Variants in GRID1 observed in about 807,000 individuals in gnomAD.
GRID1 encodes the protein glutamate ionotropic receptor delta type subunit 1.
A neutral mutation model predicts 98.0 loss-of-function variants in GRID1; 28 were observed. The ratio of observed to expected loss-of-function variants is 0.29; its 90% CI spans 0.21 to 0.39. The LOEUF is 0.39. Among genes scored for constraint, GRID1 ranks in the 10% least tolerant of loss-of-function variants. The pLI is 1.00. For missense variants in GRID1, 1,111 were observed against 1,340.5 expected, an observed-to-expected ratio of 0.83 and a Z score of 2.67; for synonymous variants, 553 against 538.5, an observed-to-expected ratio of 1.03 and a Z score of -0.37.
rs567185084 is a variant in GRID1, at chr10:85,799,515, A to G, written c.1233+54981T>C. Among the ~76,000 whole-genome samples, 3 of 152,290 alleles carry G rather than the reference A, an allele frequency of 2.0e-5. No homozygotes were observed. The South Asian group carries it at 6.2e-4, about 32-fold the overall frequency. ...GATTTTTAAAATGTGTTATACATACAACACAACATAATATTACTTAGCGAT... is the reference window on the plus strand; with the variant it reads ...GATTTTTAAAATGTGTTATACATACGACACAACATAATATTACTTAGCGAT... On this transcript the variant is annotated intron_variant, in intron 8 of 15. Transcript: ENST00000327946.
intron 15 of GRID1, among the ~76,000 whole-genome samples, chr10:85,602,942 T>C (rs1338628056): frequency 6.6e-6 from 1 of 152,202 alleles, no homozygotes; most frequent in Non-Finnish European, 1.5e-5. Context: ...AGGCCTTGGC[T>C]GCATCCTGCC....
chr10:86,036,029 C>T (rs1344841105), intron 4 of GRID1, among the ~76,000 whole-genome samples: 2 of 152,124 alleles, frequency 1.3e-5, no homozygotes, highest in Non-Finnish European at 1.5e-5. Flanking sequence ...TCGCCAAATG[C>T]ATTACAATCA....
intron 2 of GRID1, among the ~76,000 whole-genome samples, chr10:86,210,178 A>T (rs184795671): frequency 6.6e-6 from 1 of 152,134 alleles, no homozygotes; most frequent in Admixed American, 6.5e-5. Flanking sequence ...GAAGGAAGGG[A>T]CTTAGAACCT....
intron 3 of GRID1, among the ~76,000 whole-genome samples, chr10:86,163,303 T>C (rs1194762739): frequency 6.6e-6 from 1 of 152,046 alleles, no homozygotes; most frequent in East Asian, 1.9e-4. Flanking sequence ...AGGCGCTCCA[T>C]GGCCCATCCT....
intron 4 of GRID1, among the ~76,000 whole-genome samples, chr10:85,917,265 T>G (rs1185536265): frequency 6.6e-6 from 1 of 152,160 alleles, no homozygotes; most frequent in Non-Finnish European, 1.5e-5. Flanking sequence ...TCCTGTTTTT[T>G]TGTTTGTAAT....
At chr10:85,634,291 T>TCTCTCTCTCTCTCA (rs1162030685) in intron 13 of GRID1, among the ~76,000 whole-genome samples, 49 of 102,978 alleles carry the variant, frequency 4.8e-4, no homozygotes, top group African/African-American at 1.4e-3. Flanking sequence ...TCTCTCTCTC[T>TCTCTCTCTCTCTCA]CACACACACA....
At chr10:86,027,999 C>T (rs540070406) in intron 4 of GRID1, among the ~76,000 whole-genome samples, 2 of 152,280 alleles carry the variant, frequency 1.3e-5, no homozygotes, top group East Asian at 1.9e-4. Context: ...TCTAACCACT[C>T]CTGGAGGTAA....
At chr10:86,093,483 A>C (rs973203902) in intron 4 of GRID1, among the ~76,000 whole-genome samples, 22 of 152,116 alleles carry the variant, frequency 1.4e-4, no homozygotes, top group African/African-American at 5.1e-4. Context: ...GAAGAGAGAA[A>C]ATCTAAATAA....
chr10:86,162,963 C>T (rs1845343632), intron 3 of GRID1, among the ~76,000 whole-genome samples: 2 of 152,160 alleles, frequency 1.3e-5, no homozygotes, highest in Non-Finnish European at 2.9e-5. Context: ...CTTCTGAAAG[C>T]CAGTGTCAGG....
chr10:85,679,817 AAC>A (rs1360462535), intron 12 of GRID1, among the ~76,000 whole-genome samples: 1 of 152,242 alleles, frequency 6.6e-6, no homozygotes, highest in African/African-American at 2.4e-5. Context: ...AACCATCTGT[AAC>A]AGTCAGTGGG....
intron 4 of GRID1, among the ~76,000 whole-genome samples, chr10:85,919,881 T>C (rs903019250): frequency 6.6e-6 from 1 of 152,190 alleles, no homozygotes; most frequent in Non-Finnish European, 1.5e-5. Flanking sequence ...CCACAGTCCC[T>C]GTGAATCCTG....
chr10:86,261,165 G>A (rs1847010530), intron 2 of GRID1, among the ~76,000 whole-genome samples: 1 of 152,220 alleles, frequency 6.6e-6, no homozygotes, highest in Admixed American at 6.5e-5. Flanking sequence ...TGATTATCTC[G>A]ATTTTATGGA....
intron 6 of GRID1, among the ~76,000 whole-genome samples, chr10:85,865,199 G>A (rs1490569163): frequency 6.6e-6 from 1 of 152,174 alleles, no homozygotes; most frequent in African/African-American, 2.4e-5. Context: ...ACAGTGCTTT[G>A]TGGGGAAAAA....
rs551660223 is a variant in GRID1 at position 86,158,903 on chromosome 10, C to CT, written c.521-19880dup. On this transcript the variant is annotated intron_variant, in intron 3 of 15. Coordinates refer to ENST00000327946, the MANE Select transcript of GRID1 (RefSeq NM_017551.3). ...GAATGCAAAATATTTCATTAATTATCTTTTTTTTGAGACAGAGTCTCACTC... is the reference window on the plus strand; with the variant it reads ...GAATGCAAAATATTTCATTAATTATCTTTTTTTTTGAGACAGAGTCTCACTC... Among the ~76,000 whole-genome samples, 112 of 152,110 alleles carry CT rather than the reference C, an allele frequency of 7.4e-4. 1 individual carries two copies. Among genetic ancestry groups the CT allele is most frequent in the African/African-American group, 2.7e-3 (110 of 41,498 alleles).
At chr10:85,947,031 C>A (rs1346942434) in intron 4 of GRID1, among the ~76,000 whole-genome samples, 1 of 152,154 alleles carries the variant, frequency 6.6e-6, no homozygotes, top group Admixed American at 6.5e-5. Context: ...TGACAATGAA[C>A]CAGGGCAGTC....
In GRID1 at chr10:85,779,002, G is replaced by A. The variant is rs565099196; in HGVS notation, c.1234-49388C>T. ...AGAAAGCAGCTATGAAGTCTGAGAA[G>A]CAGCCAAGCCTTTAAACAAAAAACA... On this transcript the variant is annotated intron_variant, in intron 8 of 15. Transcript: ENST00000327946. Among the ~76,000 whole-genome samples, 3 of 152,304 alleles carry A rather than the reference G, an allele frequency of 2.0e-5. No homozygotes were observed. In the East Asian group the frequency reaches 5.8e-4, roughly 29 times the overall value.
chr10:85,940,861 T>C (rs1841989184), intron 4 of GRID1, among the ~76,000 whole-genome samples: 4 of 152,146 alleles, frequency 2.6e-5, no homozygotes. Flanking sequence ...AGCCAGAACC[T>C]TGGAGAGGAG....
At chr10:85,830,978 T>C (rs142044769) in intron 8 of GRID1, among the ~76,000 whole-genome samples, 135 of 152,282 alleles carry the variant, frequency 8.9e-4, no homozygotes, top group African/African-American at 2.9e-3. Flanking sequence ...CAAAGGAATA[T>C]AAATCATTCT....
rs558269516 is a variant in GRID1 at position 86,290,027 on chromosome 10, TAACCG to T, written c.235+73909_235+73913del. 2.1e-3 allele frequency among the ~76,000 whole-genome samples: 320 copies of T among 152,340 alleles called. 1 individual carries two copies. Among genetic ancestry groups the T allele is most frequent in the African/African-American group, 7.2e-3 (298 of 41,584 alleles). On this transcript the variant is annotated intron_variant, in intron 2 of 15. Transcript: ENST00000327946. ...AAAGAGAAAGCAAGAGCAGAAGGCG[TAACCG>T]CTAGATCCAGCCATGCCTGAAGCTA...
Sources: allele counts gnomAD v4.1 joint callset (sites outside exome capture counted in the v4.1 genomes callset), GRCh38; gene constraint gnomAD v4.1.1; transcripts MANE v1.5; gene names NCBI Gene and HGNC (gene_info 2026-07-23, HGNC 2026-07-21).